The following GRID1 variants were observed in gnomAD, a reference collection of about 807,000 sequenced individuals.
The protein encoded by GRID1 is glutamate receptor ionotropic, delta-1.
In GRID1, 28 loss-of-function variants were observed where a neutral mutation model predicts 98.0. That is an observed-to-expected ratio of 0.29 (90% CI 0.21 to 0.39). The LOEUF is 0.39. GRID1 is among the 10% of genes least tolerant of loss of function. The pLI, the probability that GRID1 is intolerant of heterozygous loss-of-function variation, is 1.00. For missense variants in GRID1, 1,111 were observed against 1,340.5 expected (o/e 0.83, Z 2.67); for synonymous variants, 553 against 538.5 (o/e 1.03, Z -0.37).
intron 3 of GRID1, among the ~76,000 whole-genome samples, chr10:86,203,018 C>G (rs1845975568): frequency 6.6e-6 from 1 of 152,154 alleles, no homozygotes; most frequent in Non-Finnish European, 1.5e-5. Context: ...TGCATGGGTA[C>G]TAAAGTCAGG....
At chr10:85,757,206 A>C (rs1249933697) in intron 8 of GRID1, among the ~76,000 whole-genome samples, 1 of 152,194 alleles carries the variant, frequency 6.6e-6, no homozygotes, top group Non-Finnish European at 1.5e-5. Context: ...TCAAGGTTCT[A>C]CTACCTAATC....
chr10:85,881,379 CA>C (rs1375126237), intron 5 of GRID1, among the ~76,000 whole-genome samples: 1 of 152,186 alleles, frequency 6.6e-6, no homozygotes, highest in African/African-American at 2.4e-5. Context: ...AACTATACTA[CA>C]AGGCTACAGT....
At chr10:85,846,058 G>T (rs975531808) in intron 8 of GRID1, among the ~76,000 whole-genome samples, 2 of 152,172 alleles carry the variant, frequency 1.3e-5, no homozygotes, top group Admixed American at 6.5e-5. Context: ...GTTCACTTTT[G>T]AAAATTCACT....
chr10:86,064,416 G>A (rs767485767), intron 4 of GRID1, among the ~76,000 whole-genome samples: 6 of 152,216 alleles, frequency 3.9e-5, no homozygotes, highest in South Asian at 2.1e-4. Flanking sequence ...GGGAGGCACC[G>A]CTGCCTCACA....
At position 86,198,661 on chromosome 10, in the gene GRID1, C is replaced by A. The variant is rs971800170; in HGVS notation, c.520+7703G>T. ...AGAGGTTGAGTAACTTGCCCAATGT[C>A]ACACAGATATGGCAGCGGAGCTGGG... On this transcript the variant is annotated intron_variant, in intron 3 of 15. Transcript: ENST00000327946. 4.6e-5 allele frequency among the ~76,000 whole-genome samples: 7 copies of A among 152,280 alleles called. No homozygotes were observed. In the South Asian group the frequency reaches 1.0e-3, roughly 23 times the overall value.
chr10:86,113,934 A>G (rs1352355010), intron 4 of GRID1, among the ~76,000 whole-genome samples: 1 of 152,176 alleles, frequency 6.6e-6, no homozygotes, highest in Non-Finnish European at 1.5e-5. Context: ...CCAACAACAA[A>G]ATAGGTTTCC....
chr10:86,138,601 C>T (rs1844963211), intron 4 of GRID1, among the ~76,000 whole-genome samples: 1 of 152,244 alleles, frequency 6.6e-6, no homozygotes, highest in Non-Finnish European at 1.5e-5. Flanking sequence ...TCTTCAGAGG[C>T]TGGGCAGGCC....
At chr10:85,873,539 G>A (rs375880347) in intron 5 of GRID1, among the ~76,000 whole-genome samples, 62 of 152,196 alleles carry the variant, frequency 4.1e-4, no homozygotes, top group Non-Finnish European at 7.2e-4. Context: ...ATTTCAGTGC[G>A]CCTTTCATCA....
chr10:86,245,426 C>T (rs1846707928), intron 2 of GRID1, among the ~76,000 whole-genome samples: 1 of 143,038 alleles, frequency 7.0e-6, no homozygotes, highest in South Asian at 2.1e-4. Flanking sequence ...CTCCATTCCT[C>T]TTCTACCATT....
chr10:86,273,878 T>C (rs1262441185), intron 2 of GRID1, among the ~76,000 whole-genome samples: 16 of 148,692 alleles, frequency 1.1e-4, no homozygotes, highest in African/African-American at 3.7e-4. Context: ...TTCACTCTCA[T>C]GGTAGTTTCT....
At chr10:85,754,255 A>T (rs1169454126) in intron 8 of GRID1, among the ~76,000 whole-genome samples, 1 of 152,220 alleles carries the variant, frequency 6.6e-6, no homozygotes, top group Non-Finnish European at 1.5e-5. Context: ...TGTTTCTTCT[A>T]TCAAAGCATC....
At chr10:86,304,164 T>C (rs1011959563) in intron 2 of GRID1, among the ~76,000 whole-genome samples, 6 of 152,218 alleles carry the variant, frequency 3.9e-5, no homozygotes, top group Non-Finnish European at 8.8e-5. Flanking sequence ...ACCTCCTACC[T>C]GTCCTGCCTC....
chr10:86,237,662 T>C (rs1476445822), intron 2 of GRID1, among the ~76,000 whole-genome samples: 1 of 149,330 alleles, frequency 6.7e-6, no homozygotes, highest in Non-Finnish European at 1.5e-5. Context: ...ATTGTGCCAC[T>C]GCACTCCAGC....
At chr10:85,986,238 A>C (rs1842606993) in intron 4 of GRID1, among the ~76,000 whole-genome samples, 1 of 152,246 alleles carries the variant, frequency 6.6e-6, no homozygotes, top group Non-Finnish European at 1.5e-5. Context: ...AAATTTAACC[A>C]AGAAAAACCT....
intron 6 of GRID1, among the ~76,000 whole-genome samples, chr10:85,865,918 T>TATATATATATATATATAC (rs1554836180): frequency 1.1e-5 from 1 of 94,530 alleles, no homozygotes; most frequent in East Asian, 3.1e-4. Flanking sequence ...TATACATATA[T>TATATATATATATATATAC]ATATATATAT....
chr10:86,231,401 G>T (rs1166421391), intron 2 of GRID1, among the ~76,000 whole-genome samples: 1 of 152,148 alleles, frequency 6.6e-6, no homozygotes, highest in Non-Finnish European at 1.5e-5. Flanking sequence ...TCCGGACAGA[G>T]GCTCTGGCTC....
At chr10:85,676,805 C>T (rs1841150588) in intron 12 of GRID1, among the ~76,000 whole-genome samples, 2 of 152,206 alleles carry the variant, frequency 1.3e-5, no homozygotes, top group African/African-American at 2.4e-5. Flanking sequence ...TTCTGTTCTC[C>T]TCTAAGTCCT....
intron 13 of GRID1, 39 bp downstream of exon 13, chr10:85,647,163 T>C: frequency 6.4e-7 from 1 of 1,558,608 alleles, no homozygotes; most frequent in East Asian, 2.2e-5. Flanking sequence ...CCCGTGGCCC[T>C]GTTACAGTGC....
chr10:86,229,008 C>G (rs1276289165), intron 2 of GRID1, among the ~76,000 whole-genome samples: 1 of 152,196 alleles, frequency 6.6e-6, no homozygotes, highest in Non-Finnish European at 1.5e-5. Flanking sequence ...GCAGTGGGTA[C>G]TCACAGTAGG....
Sources: gnomAD v4.1 joint callset for allele counts (sites outside exome capture counted in the v4.1 genomes callset) on GRCh38, gnomAD v4.1.1 for gene constraint, MANE v1.5 for transcripts, NCBI Gene and HGNC (gene_info 2026-07-23, HGNC 2026-07-21) for gene names.